The following ACOT12 variants were observed in gnomAD, a reference collection of about 807,000 sequenced individuals.
ACOT12 encodes the protein acetyl-coenzyme A thioesterase.
A neutral mutation model predicts 67.7 loss-of-function variants in ACOT12; 51 were observed. The observed-to-expected ratio is 0.75, with a 90% CI of 0.60 to 0.95. The LOEUF (loss-of-function observed/expected upper bound fraction) is 0.95. Among genes scored for constraint, ACOT12 ranks in the 40% least tolerant of loss-of-function variants. The probability of loss-of-function intolerance (pLI) is 0.00; values close to 1 mark genes in which losing one functional copy is unlikely to be tolerated. For synonymous variants in ACOT12, 251 were observed against 244.6 expected, an observed-to-expected ratio of 1.03 and a Z score of -0.24; for missense variants, 734 against 708.1, an observed-to-expected ratio of 1.04 and a Z score of -0.41.
chr5:81,390,897 A>G (rs1420198486), intron 1 of ACOT12, among the ~76,000 whole-genome samples: 1 of 152,230 alleles, frequency 6.6e-6, no homozygotes, highest in Non-Finnish European at 1.5e-5. Flanking sequence ...TCCATTGATC[A>G]TCTTTTCTCT....
chr5:81,372,764 T>G (rs556371808), intron 2 of ACOT12, among the ~76,000 whole-genome samples: 29 of 152,346 alleles, frequency 1.9e-4, no homozygotes, highest in African/African-American at 6.7e-4. Flanking sequence ...ACTTATACAT[T>G]TCACTAATGT....
At chr5:81,377,395 GA>G (rs1282515509) in intron 2 of ACOT12, among the ~76,000 whole-genome samples, 1 of 152,094 alleles carries the variant, frequency 6.6e-6, no homozygotes, top group Admixed American at 6.6e-5. Flanking sequence ...ACTGAATGGG[GA>G]AAAGCTGGAA....
At chr5:81,367,573 T>G (rs1760121151) in intron 3 of ACOT12, among the ~76,000 whole-genome samples, 1 of 152,078 alleles carries the variant, frequency 6.6e-6, no homozygotes, top group Non-Finnish European at 1.5e-5. Context: ...CAAATATGTA[T>G]AGTTAAAACA....
chr5:81,393,919 C>G, intron 1 of ACOT12, 69 bp downstream of exon 1: 1 of 1,264,148 alleles, frequency 7.9e-7, no homozygotes, highest in Non-Finnish European at 1.0e-6. Flanking sequence ...CTACCCCCCC[C>G]AGCCCCCAGC....
Position 81,345,940 on chromosome 5 carries a change from T to A in ACOT12, c.718A>T (p.Thr240Ser). The change falls in exon 7 of 15, where the codon ACA becomes TCA. Residue 240 changes from threonine (T) to serine (S), a missense_variant. Thr to Ser is a moderately conservative substitution (Grantham distance 58). Transcript: ENST00000307624. ...VDMFKFRGPS[T>S]VGDRLVFTAI... ...GTGAAGACAAGACGATCTCCAACTGTAGATGGTCCCCGGAACTTAAACATA... is the reference window on the plus strand; with the variant it reads ...GTGAAGACAAGACGATCTCCAACTGAAGATGGTCCCCGGAACTTAAACATA... 6.2e-7 allele frequency: 1 copy of A among 1,614,016 alleles called. No individual in the cohort carries two copies. Among genetic ancestry groups the A allele is most frequent in the South Asian group, 1.1e-5 (1 of 91,076 alleles).
At chr5:81,357,870 G>A (rs1008340959) in intron 5 of ACOT12, among the ~76,000 whole-genome samples, 9 of 151,976 alleles carry the variant, frequency 5.9e-5, no homozygotes, top group Non-Finnish European at 1.0e-4. Flanking sequence ...GCTGGGCGTG[G>A]TGGCGCATGC....
the ACOT12 span, among the ~76,000 whole-genome samples, chr5:81,323,954 A>T: frequency 4.2e-4 from 62 of 148,668 alleles, no homozygotes; most frequent in East Asian, 7.8e-4. Context: ...ATATATATAT[A>T]TTTTTTAGAC....
the ACOT12 span, among the ~76,000 whole-genome samples, chr5:81,312,014 T>C: frequency 1.3e-5 from 2 of 152,192 alleles, no homozygotes; most frequent in African/African-American, 4.8e-5. Context: ...ATCCCTAACA[T>C]TTAAATTTGA....
chr5:81,385,202 AC>A (rs1417841747), intron 2 of ACOT12, among the ~76,000 whole-genome samples: 1 of 152,094 alleles, frequency 6.6e-6, no homozygotes, highest in Non-Finnish European at 1.5e-5. Context: ...TAATCCCAGC[AC>A]CTTGGGAAGC....
intron 14 of ACOT12, 38 bp from the exon 15 acceptor site, chr5:81,330,581 T>C: frequency 6.2e-7 from 1 of 1,605,562 alleles, no homozygotes; most frequent in Non-Finnish European, 8.5e-7. Context: ...TAATTTCTTA[T>C]TGACTTGGAG....
At chr5:81,365,911 C>T (rs1760063475) in intron 3 of ACOT12, among the ~76,000 whole-genome samples, 1 of 152,152 alleles carries the variant, frequency 6.6e-6, no homozygotes, top group African/African-American at 2.4e-5. Context: ...CAGAAATATG[C>T]CTGTGAGTCT....
intron 5 of ACOT12, among the ~76,000 whole-genome samples, chr5:81,355,710 C>T (rs112578398): frequency 6.6e-5 from 10 of 152,212 alleles, no homozygotes; most frequent in Non-Finnish European, 1.2e-4. Flanking sequence ...GGAGTAAGTC[C>T]GGTGGGAGGA....
rs530031867 is a variant in ACOT12 at position 81,359,195 on chromosome 5, G to A, written c.496+708C>T. 5.9e-5 allele frequency among the ~76,000 whole-genome samples: 9 copies of A among 152,254 alleles called. No individual in the cohort carries two copies. In the East Asian group the frequency reaches 9.7e-4, roughly 16 times the overall value. On this transcript the variant is annotated intron_variant, in intron 5 of 14. Transcript: ENST00000307624. ...GCAGTGGTGAGCTTGTGGGGCCTGG[G>A]CGGGCTCACTTCACTTCCTCCCCTC...
chr5:81,368,289 C>T (rs1760143639), intron 3 of ACOT12, among the ~76,000 whole-genome samples: 1 of 151,950 alleles, frequency 6.6e-6, no homozygotes, highest in Non-Finnish European at 1.5e-5. Context: ...AAGACTCCAT[C>T]TCAAAAAATA....
chr5:81,391,593 G>A (rs1760866421), intron 1 of ACOT12, among the ~76,000 whole-genome samples: 1 of 152,162 alleles, frequency 6.6e-6, no homozygotes, highest in Non-Finnish European at 1.5e-5. Context: ...GTGAAGAAAA[G>A]AAAGGGAAAA....
the ACOT12 span, among the ~76,000 whole-genome samples, chr5:81,320,336 C>G: frequency 1.3e-5 from 2 of 152,158 alleles, no homozygotes; most frequent in Non-Finnish European, 2.9e-5. Flanking sequence ...GGTTGAAGAA[C>G]TTTGCATAAA....
intron 6 of ACOT12, 38 bp from the exon 7 acceptor site, chr5:81,346,042 C>T (rs1759372312): frequency 6.2e-7 from 1 of 1,606,128 alleles, no homozygotes; most frequent in Non-Finnish European, 8.5e-7. Context: ...AGAAAGCGAT[C>T]ACACATTCAT....
At chr5:81,383,132 C>A (rs745975580) in intron 2 of ACOT12, among the ~76,000 whole-genome samples, 1 of 152,082 alleles carries the variant, frequency 6.6e-6, no homozygotes, top group Non-Finnish European at 1.5e-5. Flanking sequence ...TGGTGGCAGG[C>A]GCATGTAATC....
chr5:81,332,525 G>A lies in ACOT12; in HGVS notation c.1343C>T (p.Pro448Leu), dbSNP rs267600715. The change falls in exon 13 of 15, where the codon CCC becomes CTC. Residue 448 changes from proline to leucine, a missense_variant. By Grantham distance (98) the Pro-to-Leu change is moderately conservative. Transcript: ENST00000307624. ...TGATACGAGTACTACCAAGTCTTTG[G>A]GTTTGTCATCATTCAGTATAGGACA... is the stretch of plus-strand genomic sequence containing the variant. ...ITCPILNDDK[P>L]KDLVVLVSRR... 3 of 1,613,950 alleles carry A rather than the reference G, an allele frequency of 1.9e-6. No individual in the cohort carries two copies. Among genetic ancestry groups the A allele is most frequent in the Non-Finnish European group, 2.5e-6 (3 of 1,179,974 alleles).
Sources: allele counts gnomAD v4.1 joint callset (sites outside exome capture counted in the v4.1 genomes callset), GRCh38; gene constraint gnomAD v4.1.1; transcripts MANE v1.5; gene names NCBI Gene and HGNC (gene_info 2026-07-23, HGNC 2026-07-21).